TCF12: variants seen among roughly 807,000 people sequenced by gnomAD.
TCF12 encodes DNA-binding protein HTF4.
TCF12 carries 45 observed loss-of-function variants against 86.0 expected under a neutral mutation model. That is an observed-to-expected ratio of 0.52 (90% CI 0.41 to 0.67). The LOEUF (loss-of-function observed/expected upper bound fraction) is 0.67, where lower values mean the gene tolerates loss of function less well. Among genes scored for constraint, TCF12 ranks in the 30% least tolerant of loss-of-function variants. The probability of loss-of-function intolerance (pLI) is 0.00; values close to 1 mark genes in which losing one functional copy is unlikely to be tolerated. For synonymous variants in TCF12, 330 were observed against 299.6 expected, an observed-to-expected ratio of 1.10 and a Z score of -1.05; for missense variants, 881 against 859.9, an observed-to-expected ratio of 1.02 and a Z score of -0.31.
At chr15:57,089,376 G>C (rs929278709) in intron 4 of TCF12, among the ~76,000 whole-genome samples, 1 of 151,986 alleles carries the variant, frequency 6.6e-6, no homozygotes, top group Non-Finnish European at 1.5e-5. Context: ...TGTATTTGAG[G>C]AAAAAAGTCT....
chr15:57,015,666 CATGT>C (rs2065112925), intron 3 of TCF12, among the ~76,000 whole-genome samples: 1 of 151,902 alleles, frequency 6.6e-6, no homozygotes, highest in Non-Finnish European at 1.5e-5. Flanking sequence ...TACATAGCCC[CATGT>C]CATGTTTCTT....
At chr15:56,999,510 T>TGGTA (rs2063900660) in intron 3 of TCF12, among the ~76,000 whole-genome samples, 1 of 152,130 alleles carries the variant, frequency 6.6e-6, no homozygotes, top group African/African-American at 2.4e-5. Flanking sequence ...AATAGACTAA[T>TGGTA]TCCTTGGGAC....
At chr15:57,162,606 T>G (rs1414883965) in intron 5 of TCF12, among the ~76,000 whole-genome samples, 1 of 152,210 alleles carries the variant, frequency 6.6e-6, no homozygotes, top group African/African-American at 2.4e-5. Flanking sequence ...CATCTTCAGC[T>G]TATGTTAAAT....
chr15:56,974,619 C>T (rs1727410129), intron 3 of TCF12, among the ~76,000 whole-genome samples: 1 of 152,016 alleles, frequency 6.6e-6, no homozygotes, highest in Non-Finnish European at 1.5e-5. Flanking sequence ...GTATTTACAA[C>T]AATCCTGCTT....
intron 3 of TCF12, among the ~76,000 whole-genome samples, chr15:57,033,800 T>C (rs1192911734): frequency 1.3e-5 from 2 of 152,182 alleles, no homozygotes; most frequent in Admixed American, 6.5e-5. Context: ...CGTAGACATT[T>C]GGTAGGGATT....
intron 19 of TCF12, among the ~76,000 whole-genome samples, chr15:57,277,493 G>A (rs2061452532): frequency 6.6e-6 from 1 of 151,734 alleles, no homozygotes; most frequent in African/African-American, 2.4e-5. Flanking sequence ...GCTGGGTGGG[G>A]TGGCGTGCGC....
At chr15:57,109,538 T>C (rs1242560434) in intron 5 of TCF12, among the ~76,000 whole-genome samples, 1 of 152,236 alleles carries the variant, frequency 6.6e-6, no homozygotes, top group Admixed American at 6.5e-5. Flanking sequence ...CTCGTCTTAA[T>C]ATCAGAGATT....
chr15:57,240,968 C>A (rs1407560798), intron 12 of TCF12, among the ~76,000 whole-genome samples: 1 of 149,488 alleles, frequency 6.7e-6, no homozygotes, highest in Non-Finnish European at 1.5e-5. Flanking sequence ...CCCTAATTTA[C>A]TTATGTGGTT....
chr15:57,104,661 C>G (rs775582849), intron 5 of TCF12, among the ~76,000 whole-genome samples: 1 of 151,554 alleles, frequency 6.6e-6, no homozygotes, highest in Non-Finnish European at 1.5e-5. Context: ...GTCTCAGACT[C>G]CTGACCTCAG....
At chr15:57,026,858 A>G (rs1367424930) in intron 3 of TCF12, among the ~76,000 whole-genome samples, 2 of 152,160 alleles carry the variant, frequency 1.3e-5, no homozygotes, top group East Asian at 3.8e-4. Context: ...TAGTATTTGC[A>G]TATAACCTGT....
intron 3 of TCF12, among the ~76,000 whole-genome samples, chr15:56,982,934 T>C (rs2062965515): frequency 2.0e-5 from 3 of 152,184 alleles, no homozygotes; most frequent in Admixed American, 2.0e-4. Context: ...TAGGTGTTAG[T>C]TTGGGATTAA....
intron 4 of TCF12, among the ~76,000 whole-genome samples, chr15:57,083,375 G>C (rs1017602128): frequency 5.3e-5 from 8 of 151,924 alleles, no homozygotes; most frequent in Admixed American, 2.0e-4. Context: ...CTGCTTACTT[G>C]ATGCGATTTT....
At chr15:57,055,374 C>G (rs1206094826) in intron 3 of TCF12, among the ~76,000 whole-genome samples, 2 of 152,162 alleles carry the variant, frequency 1.3e-5, no homozygotes, top group African/African-American at 4.8e-5. Context: ...GCACTCTGGC[C>G]TGGGTGACGA....
chr15:57,027,503 T>C lies in TCF12; in HGVS notation c.149-36247T>C, dbSNP rs920984733. Among the ~76,000 whole-genome samples the C allele has an allele frequency of 5.9e-5, 9 of 152,364 alleles. No individual in the cohort carries two copies. The East Asian group carries it at 1.7e-3, about 29-fold the overall frequency. ...ACCTTTTAGAGTTTTTAAGCTATTA[T>C]GAATAAATCTGTTGTGAAATTCTCT... is the stretch of plus-strand genomic sequence containing the variant. On this transcript the variant is annotated intron_variant, in intron 3 of 20. Transcript: ENST00000333725.
intron 3 of TCF12, among the ~76,000 whole-genome samples, chr15:57,048,764 T>A (rs2067409589): frequency 1.3e-5 from 2 of 152,158 alleles, no homozygotes; most frequent in Non-Finnish European, 2.9e-5. Context: ...CCCACAAGAA[T>A]GTGAGTAAAA....
intron 3 of TCF12, among the ~76,000 whole-genome samples, chr15:56,955,574 A>C (rs1428295751): frequency 6.6e-6 from 1 of 152,190 alleles, no homozygotes; most frequent in Non-Finnish European, 1.5e-5. Context: ...ATAAAAATAA[A>C]AAAAAGCATT....
At chr15:57,080,628 T>G (rs1421370962) in intron 4 of TCF12, among the ~76,000 whole-genome samples, 2 of 152,196 alleles carry the variant, frequency 1.3e-5, no homozygotes, top group African/African-American at 2.4e-5. Context: ...ATTCAATTGA[T>G]GTTGGATTTA....
At chr15:57,052,211 G>T (rs1161682572) in intron 3 of TCF12, among the ~76,000 whole-genome samples, 3 of 152,114 alleles carry the variant, frequency 2.0e-5, no homozygotes, top group African/African-American at 4.8e-5. Context: ...GCTAATATCA[G>T]GGGTTTCAGT....
intron 6 of TCF12, among the ~76,000 whole-genome samples, chr15:57,168,954 G>A (rs1416077661): frequency 6.6e-6 from 1 of 152,130 alleles, no homozygotes; most frequent in Admixed American, 6.5e-5. Flanking sequence ...GCTGAGGCAG[G>A]AGAATCGCTG....
Sources: gnomAD v4.1 joint callset for allele counts (sites outside exome capture counted in the v4.1 genomes callset) on GRCh38, gnomAD v4.1.1 for gene constraint, MANE v1.5 for transcripts, NCBI Gene and HGNC (gene_info 2026-07-23, HGNC 2026-07-21) for gene names.